Variants in SPATA17 observed in about 807,000 individuals in gnomAD.
SPATA17 encodes spermatogenesis-associated protein 17.
Under a neutral mutation model 62.2 loss-of-function variants are expected in SPATA17, and 53 were observed. That is an observed-to-expected ratio of 0.85 (90% CI 0.68 to 1.07). SPATA17 has a LOEUF of 1.07. SPATA17 is among the 50% of genes least tolerant of loss of function. SPATA17 has a pLI of 0.00. For synonymous variants in SPATA17, 146 were observed against 146.8 expected, an observed-to-expected ratio of 0.99 and a Z score of 0.04; for missense variants, 466 against 425.5, an observed-to-expected ratio of 1.10 and a Z score of -0.84.
intron 5 of SPATA17, among the ~76,000 whole-genome samples, chr1:217,730,783 T>C (rs114625798): frequency 0.01 from 1,551 of 152,274 alleles, 28 homozygotes; most frequent in African/African-American, 0.036. Context: ...AAAGAAAGTT[T>C]CTTTTTTTAA....
At chr1:217,681,258 A>G (rs994802827) in intron 4 of SPATA17, among the ~76,000 whole-genome samples, 24 of 151,812 alleles carry the variant, frequency 1.6e-4, no homozygotes, top group African/African-American at 5.3e-4. Context: ...AAAATAAAAT[A>G]AAGTTATTTT....
intron 8 of SPATA17, among the ~76,000 whole-genome samples, chr1:217,793,354 G>A (rs903406439): frequency 4.0e-5 from 6 of 151,468 alleles, no homozygotes; most frequent in Admixed American, 2.6e-4. Context: ...CTGAGTAGCC[G>A]GGACTAAAGG....
At chr1:217,856,392 A>T (rs1675786359) in intron 9 of SPATA17, among the ~76,000 whole-genome samples, 1 of 152,202 alleles carries the variant, frequency 6.6e-6, no homozygotes, top group African/African-American at 2.4e-5. Flanking sequence ...CTTTTCCAAG[A>T]TCACAAAGTC....
intron 5 of SPATA17, among the ~76,000 whole-genome samples, chr1:217,705,366 T>C (rs1671709156): frequency 7.0e-6 from 1 of 142,392 alleles, no homozygotes; most frequent in Admixed American, 6.9e-5. Context: ...CTCTTTACTG[T>C]GTTCACAGTT....
intron 6 of SPATA17, among the ~76,000 whole-genome samples, chr1:217,750,772 G>T (rs1037068790): frequency 6.6e-6 from 1 of 152,196 alleles, no homozygotes; most frequent in African/African-American, 2.4e-5. Flanking sequence ...GCCACTCGTC[G>T]GAATGTGCTA....
At chr1:217,777,608 G>T (rs1245019123) in intron 7 of SPATA17, among the ~76,000 whole-genome samples, 1 of 152,020 alleles carries the variant, frequency 6.6e-6, no homozygotes, top group Non-Finnish European at 1.5e-5. Flanking sequence ...CACCATGTTG[G>T]CCAGGCCGGT....
chr1:217,735,124 A>T (rs1408182931), intron 5 of SPATA17, among the ~76,000 whole-genome samples: 1 of 152,170 alleles, frequency 6.6e-6, no homozygotes, highest in Non-Finnish European at 1.5e-5. Flanking sequence ...TAGGTATTAC[A>T]CCAAGTGTTT....
At chr1:217,644,377 C>T (rs370498137) in intron 1 of SPATA17, among the ~76,000 whole-genome samples, 48 of 152,106 alleles carry the variant, frequency 3.2e-4, no homozygotes, top group Non-Finnish European at 6.2e-4. Flanking sequence ...ATCCTTAAGA[C>T]GTAGTAGTGA....
chr1:217,764,639 C>T (rs1375562159), intron 6 of SPATA17, among the ~76,000 whole-genome samples: 1 of 152,084 alleles, frequency 6.6e-6, no homozygotes, highest in Non-Finnish European at 1.5e-5. Context: ...TTGTAAAAAA[C>T]TGTCAAACTG....
At chr1:217,654,960 T>C (rs940015933) in intron 3 of SPATA17, among the ~76,000 whole-genome samples, 1 of 152,204 alleles carries the variant, frequency 6.6e-6, no homozygotes, top group African/African-American at 2.4e-5. Context: ...TATGCCCGCC[T>C]TGGCCTCCCA....
In SPATA17 at chr1:217,842,252, G is replaced by T. The variant is rs960763372; in HGVS notation, c.1006-20522G>T. On this transcript the variant is annotated intron_variant, in intron 9 of 10. Transcript: ENST00000366933. ...TTTTTATATCTATGTTTGTAAGATAGATTGGTCTCTAGTTTTCCTTTCTTA... is the reference window on the plus strand; with the variant it reads ...TTTTTATATCTATGTTTGTAAGATATATTGGTCTCTAGTTTTCCTTTCTTA... 2.6e-5 allele frequency among the ~76,000 whole-genome samples: 4 copies of T among 151,872 alleles called. No individual in the cohort carries two copies. The South Asian group carries it at 6.2e-4, about 24-fold the overall frequency.
rs537977867 is a variant in SPATA17 at position 217,720,147 on chromosome 1, A to G, written c.396-21828A>G. ...TTGACATATCCCTCCAGAACCCTTT[A>G]TTTTCAGACTAATGTTATACAAATT... is the stretch of plus-strand genomic sequence containing the variant. On this transcript the variant is annotated intron_variant, in intron 5 of 10. Coordinates refer to ENST00000366933, the MANE Select transcript of SPATA17 (RefSeq NM_138796.4). Among the ~76,000 whole-genome samples, 8 of 152,296 alleles carry G rather than the reference A, an allele frequency of 5.3e-5. 1 individual carries two copies. In the South Asian group the frequency reaches 1.7e-3, roughly 32 times the overall value.
intron 9 of SPATA17, among the ~76,000 whole-genome samples, chr1:217,835,549 C>T (rs1558070519): frequency 6.6e-6 from 1 of 152,082 alleles, no homozygotes; most frequent in Non-Finnish European, 1.5e-5. Context: ...CATTGAATAA[C>T]CGTAGTGCAT....
At chr1:217,671,997 A>G (rs376130200) in intron 4 of SPATA17, among the ~76,000 whole-genome samples, 6 of 152,324 alleles carry the variant, frequency 3.9e-5, no homozygotes, top group African/African-American at 1.4e-4. Flanking sequence ...CCCAACAACA[A>G]TAAGTTTATA....
At chr1:217,692,626 G>A (rs1157046624) in intron 5 of SPATA17, among the ~76,000 whole-genome samples, 3 of 91,666 alleles carry the variant, frequency 3.3e-5, no homozygotes, top group Non-Finnish European at 6.2e-5. Context: ...TTGGCTGTGG[G>A]TTTGTCATAG....
At chr1:217,809,384 C>A (rs539494772) in intron 9 of SPATA17, among the ~76,000 whole-genome samples, 2 of 152,112 alleles carry the variant, frequency 1.3e-5, no homozygotes, top group African/African-American at 2.4e-5. Context: ...TAACAGAATA[C>A]CTGAGACTAA....
intron 9 of SPATA17, among the ~76,000 whole-genome samples, 164 bp downstream of exon 9, chr1:217,802,014 T>C (rs994671292): frequency 2.2e-5 from 3 of 135,980 alleles, no homozygotes; most frequent in African/African-American, 8.7e-5. Flanking sequence ...TATGTAAGAT[T>C]TTTTTTTTTC....
chr1:217,793,617 G>A (rs915671851), intron 8 of SPATA17, among the ~76,000 whole-genome samples: 10 of 152,132 alleles, frequency 6.6e-5, no homozygotes, highest in Non-Finnish European at 1.5e-4. Flanking sequence ...GTTTGGTTCA[G>A]TAGGCATATA....
chr1:217,783,035 AT>A, intron 8 of SPATA17, among the ~76,000 whole-genome samples: 1 of 151,324 alleles, frequency 6.6e-6, no homozygotes, highest in African/African-American at 2.4e-5. Context: ...TTTTAATATT[AT>A]TTATATGCTA....
Sources: gnomAD v4.1 joint callset for allele counts (sites outside exome capture counted in the v4.1 genomes callset) on GRCh38, gnomAD v4.1.1 for gene constraint, MANE v1.5 for transcripts, NCBI Gene and HGNC (gene_info 2026-07-23, HGNC 2026-07-21) for gene names.